The following LRRC8D variants were observed in gnomAD, a reference collection of about 807,000 sequenced individuals.
The protein encoded by LRRC8D is volume-regulated anion channel subunit LRRC8D.
In LRRC8D, 20 loss-of-function variants were observed where a neutral mutation model predicts 55.8. That is an observed-to-expected ratio of 0.36 (90% CI 0.25 to 0.52). The LOEUF is 0.52. LRRC8D is among the 20% of genes least tolerant of loss of function. The pLI is 0.93. For synonymous variants in LRRC8D, 352 were observed against 377.0 expected, an observed-to-expected ratio of 0.93 and a Z score of 0.77; for missense variants, 651 against 1,030.8, an observed-to-expected ratio of 0.63 and a Z score of 5.05.
chr1:89,822,225 T>A (rs1273532697), intron 1 of LRRC8D: 1 of 152,776 alleles, frequency 6.5e-6, no homozygotes. Flanking sequence ...GCTGTGAGGT[T>A]CCAGGAGCAC....
intron 1 of LRRC8D, among the ~76,000 whole-genome samples, chr1:89,841,558 G>A (rs551318206): frequency 6.6e-6 from 1 of 152,316 alleles, no homozygotes; most frequent in South Asian, 2.1e-4. Context: ...AGCCATGTGT[G>A]TTTTTGTGAA....
intron 2 of LRRC8D, among the ~76,000 whole-genome samples, chr1:89,932,310 A>G (rs1663729719): frequency 6.6e-6 from 1 of 152,166 alleles, no homozygotes; most frequent in South Asian, 2.1e-4. Flanking sequence ...TGTCTTCTCA[A>G]TCCACATGCT....
intron 2 of LRRC8D, among the ~76,000 whole-genome samples, chr1:89,854,337 G>A (rs1557451729): frequency 1.3e-5 from 2 of 152,072 alleles, no homozygotes; most frequent in African/African-American, 2.4e-5. Flanking sequence ...GTCATTGAAG[G>A]CCCAGTTGTA....
At chr1:89,836,071 G>A (rs1172705184) in intron 1 of LRRC8D, among the ~76,000 whole-genome samples, 2 of 152,152 alleles carry the variant, frequency 1.3e-5, no homozygotes, top group Admixed American at 6.5e-5. Flanking sequence ...ATCTCTTCCT[G>A]CATATTGGCT....
chr1:89,843,694 T>G lies in LRRC8D; in HGVS notation c.-91T>G, dbSNP rs1172251481. 1 of 701,950 alleles carries G rather than the reference T, an allele frequency of 1.4e-6. No individual in the cohort carries two copies. The highest frequency in any genetic ancestry group is 1.7e-5 in the African/African-American group (1 of 57,168). 43.5% of individuals were successfully genotyped at this position (701,950 alleles called of 1,614,324 possible). On this transcript the variant is annotated 5_prime_UTR_variant, in exon 2 of 3. Transcript: ENST00000337338. ...GGTCTCAGGATGGAGGAGTGAAGTC[T>G]CCTGTCGCCGTGGTTCCAGCCTCCG...
At chr1:89,912,648 C>T (rs1428620952) in intron 2 of LRRC8D, among the ~76,000 whole-genome samples, 2 of 152,000 alleles carry the variant, frequency 1.3e-5, no homozygotes, top group African/African-American at 4.8e-5. Context: ...CAAGTCTTAC[C>T]CTGTTAATTT....
chr1:89,877,080 A>G (rs534126826), intron 2 of LRRC8D, among the ~76,000 whole-genome samples: 2 of 152,264 alleles, frequency 1.3e-5, no homozygotes, highest in Non-Finnish European at 2.9e-5. Context: ...CTGCAGAACT[A>G]AAGTGAAGCT....
chr1:89,822,387 G>T (rs1422564348), intron 1 of LRRC8D, among the ~76,000 whole-genome samples: 1 of 152,208 alleles, frequency 6.6e-6, no homozygotes, highest in African/African-American at 2.4e-5. Context: ...AGCTGGAGCC[G>T]CTTGGCTTAT....
At chr1:89,858,060 C>G (rs1661602095) in intron 2 of LRRC8D, among the ~76,000 whole-genome samples, 1 of 152,106 alleles carries the variant, frequency 6.6e-6, no homozygotes, top group African/African-American at 2.4e-5. Flanking sequence ...GAAACCCCGT[C>G]TCTACTAAAA....
intron 1 of LRRC8D, among the ~76,000 whole-genome samples, chr1:89,838,097 C>T (rs750410609): frequency 2.6e-5 from 4 of 151,610 alleles, no homozygotes; most frequent in Admixed American, 6.6e-5. Flanking sequence ...TGGTGGCTCA[C>T]GCCTGTAATC....
intron 2 of LRRC8D, among the ~76,000 whole-genome samples, chr1:89,856,072 A>C (rs1295034294): frequency 6.6e-6 from 1 of 152,006 alleles, no homozygotes; most frequent in Non-Finnish European, 1.5e-5. Flanking sequence ...AGTGTGTCTG[A>C]AAGAGCCTAT....
At chr1:89,926,308 A>G (rs900640197) in intron 2 of LRRC8D, among the ~76,000 whole-genome samples, 9 of 152,270 alleles carry the variant, frequency 5.9e-5, no homozygotes, top group African/African-American at 2.2e-4. Context: ...AATCACTTTC[A>G]CACCAACCTA....
intron 2 of LRRC8D, among the ~76,000 whole-genome samples, chr1:89,915,420 G>A (rs979851969): frequency 6.6e-6 from 1 of 152,110 alleles, no homozygotes; most frequent in Non-Finnish European, 1.5e-5. Flanking sequence ...ACTGTTTTTT[G>A]ATTTTATGAG....
At chr1:89,863,126 A>G (rs952750289) in intron 2 of LRRC8D, among the ~76,000 whole-genome samples, 1 of 152,160 alleles carries the variant, frequency 6.6e-6, no homozygotes, top group African/African-American at 2.4e-5. Flanking sequence ...ACTTTGGGCA[A>G]GTTTTATAGC....
intron 1 of LRRC8D, chr1:89,842,978 T>C (rs1026443969): frequency 6.6e-6 from 1 of 151,980 alleles, no homozygotes; most frequent in Admixed American, 6.5e-5. Context: ...GAGGATACTA[T>C]GTAGTTTTGT....
chr1:89,915,097 TA>T (rs1663232047), intron 2 of LRRC8D, among the ~76,000 whole-genome samples: 1 of 151,964 alleles, frequency 6.6e-6, no homozygotes, highest in Admixed American at 6.6e-5. Flanking sequence ...TTACCTAAGC[TA>T]AACATTTGAA....
In LRRC8D at chr1:89,864,650, G is replaced by T. The variant is rs562660906; in HGVS notation, c.-3+20868G>T. Among the ~76,000 whole-genome samples, 3 of 152,168 alleles carry T rather than the reference G, an allele frequency of 2.0e-5. No homozygotes were observed. In the South Asian group the frequency reaches 6.2e-4, roughly 32 times the overall value. ...CTCTATACATTGGAACCTTATGTCA[G>T]TGACCTCCTTAACACCCTCCAGTGA... On this transcript the variant is annotated intron_variant, in intron 2 of 2. Transcript: ENST00000337338.
chr1:89,860,835 A>G (rs558281224), intron 2 of LRRC8D, among the ~76,000 whole-genome samples: 5 of 126,582 alleles, frequency 4.0e-5, no homozygotes, highest in African/African-American at 1.4e-4. Flanking sequence ...TTTTGTACGT[A>G]TTTTTAAGAT....
intron 2 of LRRC8D, among the ~76,000 whole-genome samples, chr1:89,908,971 T>C (rs1663062185): frequency 6.6e-6 from 1 of 152,178 alleles, no homozygotes; most frequent in African/African-American, 2.4e-5. Flanking sequence ...TGTTAGTATT[T>C]CCTTGAAATC....
Sources: allele counts gnomAD v4.1 joint callset (sites outside exome capture counted in the v4.1 genomes callset), GRCh38; gene constraint gnomAD v4.1.1; transcripts MANE v1.5; gene names NCBI Gene and HGNC (gene_info 2026-07-23, HGNC 2026-07-21).